The following GABRG3 variants were observed in gnomAD, a reference collection of about 807,000 sequenced individuals.
GABRG3 encodes the protein gamma-aminobutyric acid type A receptor subunit gamma3.
In GABRG3, 25 loss-of-function variants were observed where a neutral mutation model predicts 48.8. The ratio of observed to expected loss-of-function variants is 0.51; its 90% CI spans 0.37 to 0.72. GABRG3 has a LOEUF of 0.72. Ranked by LOEUF, GABRG3 falls within the 30% of genes least tolerant of loss-of-function variation. The probability of loss-of-function intolerance (pLI) is 0.00; values close to 1 mark genes in which losing one functional copy is unlikely to be tolerated. For synonymous variants in GABRG3, 227 were observed against 217.6 expected (o/e 1.04, Z -0.38); for missense variants, 394 against 577.9 (o/e 0.68, Z 3.26).
At chr15:27,139,040 CAGAG>C (rs1898058286) in intron 3 of GABRG3, among the ~76,000 whole-genome samples, 1 of 151,914 alleles carries the variant, frequency 6.6e-6, no homozygotes, top group African/African-American at 2.4e-5. Context: ...GACAGACAGA[CAGAG>C]AGGTATATGA....
At position 27,320,969 on chromosome 15, in the gene GABRG3, G is replaced by T. The variant is rs528126134; in HGVS notation, c.271-5840G>T. 4.1e-4 allele frequency among the ~76,000 whole-genome samples: 62 copies of T among 152,248 alleles called. 1 individual carries two copies. The South Asian group carries it at 7.7e-3, about 19-fold the overall frequency. On this transcript the variant is annotated intron_variant, in intron 3 of 9. Transcript: ENST00000615808. Reference sequence around the variant, plus strand: ...GCCACGTGCCCCTCTGTGGCAACAGGGCGTCACCCCCTGCTATGCTTCCCC... The same window carrying T: ...GCCACGTGCCCCTCTGTGGCAACAGTGCGTCACCCCCTGCTATGCTTCCCC...
intron 3 of GABRG3, among the ~76,000 whole-genome samples, chr15:27,237,764 G>A (rs995160106): frequency 1.3e-5 from 2 of 152,208 alleles, no homozygotes; most frequent in African/African-American, 2.4e-5. Context: ...GGCTGTGGGA[G>A]GCACCTCTTC....
intron 2 of GABRG3, among the ~76,000 whole-genome samples, chr15:27,003,453 G>GT (rs1177926802): frequency 6.6e-6 from 1 of 151,258 alleles, no homozygotes; most frequent in East Asian, 1.9e-4. Flanking sequence ...TCAAGCATCT[G>GT]TTTAACAAAG....
chr15:27,515,002 C>T (rs994399315), intron 6 of GABRG3, among the ~76,000 whole-genome samples: 2 of 152,152 alleles, frequency 1.3e-5, no homozygotes, highest in African/African-American at 4.8e-5. Flanking sequence ...TCAAGAATGA[C>T]ACAAATGGTA....
In GABRG3 at chr15:27,534,693, CAGAAG is replaced by C. The variant is rs1891509937; in HGVS notation, c.*1815_*1819del. 1 of 152,158 alleles carries C rather than the reference CAGAAG, an allele frequency of 6.6e-6. No homozygotes were observed. Among genetic ancestry groups the C allele is most frequent in the African/African-American group, 2.4e-5 (1 of 41,438 alleles). The allele number at this position is 152,158 out of a possible 1,614,324, so 9.4% of individuals were successfully genotyped here. ...CAATGTCCTGGATGTATACCAGACA[CAGAAG>C]AGGATGGGAGCAGAAGAGGCCAGAA... On this transcript the variant is annotated 3_prime_UTR_variant, in exon 10 of 10. Coordinates refer to ENST00000615808, the MANE Select transcript of GABRG3 (RefSeq NM_033223.5).
At chr15:27,221,509 A>G (rs533096997) in intron 3 of GABRG3, among the ~76,000 whole-genome samples, 135 of 152,316 alleles carry the variant, frequency 8.9e-4, no homozygotes, top group African/African-American at 3.1e-3. Context: ...GAAAATACAC[A>G]GAAAATTAGC....
chr15:27,385,407 G>A (rs1895891757), intron 5 of GABRG3, among the ~76,000 whole-genome samples: 1 of 151,440 alleles, frequency 6.6e-6, no homozygotes, highest in Non-Finnish European at 1.5e-5. Context: ...GTAGATGGAG[G>A]TTTGAATCAA....
At chr15:27,441,639 T>C (rs1888787542) in intron 5 of GABRG3, among the ~76,000 whole-genome samples, 2 of 152,148 alleles carry the variant, frequency 1.3e-5, no homozygotes, top group African/African-American at 4.8e-5. Flanking sequence ...TCTTGGGGTC[T>C]TCCAATCTAC....
chr15:27,028,922 C>A (rs1449201620), intron 3 of GABRG3, among the ~76,000 whole-genome samples: 2 of 151,282 alleles, frequency 1.3e-5, no homozygotes, highest in African/African-American at 4.9e-5. Context: ...AAATCATGAA[C>A]TCTGATCCTT....
intron 3 of GABRG3, among the ~76,000 whole-genome samples, chr15:27,264,321 A>G (rs776940028): frequency 1.2e-4 from 18 of 152,166 alleles, no homozygotes; most frequent in Non-Finnish European, 1.9e-4. Flanking sequence ...TAAAAACCCA[A>G]TTACCCTAAA....
chr15:27,392,175 T>C (rs1175777621), intron 5 of GABRG3, among the ~76,000 whole-genome samples: 1 of 152,224 alleles, frequency 6.6e-6, no homozygotes, highest in Non-Finnish European at 1.5e-5. Flanking sequence ...TCAAGATTCA[T>C]AACCCAGTAT....
rs988458821 is a variant in GABRG3 at position 27,536,285 on chromosome 15, T to A, written c.*3404T>A. 2 of 152,110 alleles carry A rather than the reference T, an allele frequency of 1.3e-5. No individual in the cohort carries two copies. The highest frequency in any genetic ancestry group is 4.8e-5 in the African/African-American group (2 of 41,386). The allele number at this position is 152,110 out of a possible 1,614,324, so 9.4% of individuals were successfully genotyped here. On this transcript the variant is annotated 3_prime_UTR_variant, in exon 10 of 10. Transcript: ENST00000615808. ...CAACACCACCTACCAGAACAGAGAC[T>A]CCCTACATACCAGACAGAGAAGGAC...
At chr15:27,137,375 A>G (rs208173) in intron 3 of GABRG3, among the ~76,000 whole-genome samples, 36,353 of 151,960 alleles carry the variant, frequency 0.24, 5,057 homozygotes, top group African/African-American at 0.37. Context: ...GCCTTTCTCT[A>G]TAAGAACAGA....
intron 3 of GABRG3, among the ~76,000 whole-genome samples, chr15:27,182,953 G>C (rs752942851): frequency 6.6e-6 from 1 of 152,178 alleles, no homozygotes; most frequent in East Asian, 1.9e-4. Flanking sequence ...AAGCCAAATA[G>C]AGCGAAAACA....
rs545792352 is a variant in GABRG3, at chr15:27,351,235, TTGTG to T, written c.574+22351_574+22354del. Among the ~76,000 whole-genome samples the T allele has an allele frequency of 3.7e-4, 53 of 141,388 alleles. No individual in the cohort carries two copies. In the East Asian group the frequency reaches 3.9e-3, roughly 10 times the overall value. 92.8% of individuals were successfully genotyped at this position (141,388 alleles called of 152,430 possible). ...GTTTGTGCGTGTATGGTGTGTGTGT[TTGTG>T]TGTATGGTGTTTGTGTGTATGGTGT... On this transcript the variant is annotated intron_variant, in intron 5 of 9. Transcript: ENST00000615808.
intron 3 of GABRG3, among the ~76,000 whole-genome samples, chr15:27,062,175 A>G (rs958511997): frequency 6.6e-6 from 1 of 152,108 alleles, no homozygotes; most frequent in Non-Finnish European, 1.5e-5. Context: ...TGGCTGTGCA[A>G]ACGGGGACTC....
intron 5 of GABRG3, among the ~76,000 whole-genome samples, chr15:27,356,193 C>T (rs1274244571): frequency 2.6e-5 from 4 of 152,048 alleles, no homozygotes; most frequent in Admixed American, 6.5e-5. Context: ...AATTACACTT[C>T]ACCTTTGATT....
chr15:27,303,975 AAAG>A (rs1413836974), intron 3 of GABRG3, among the ~76,000 whole-genome samples: 2 of 151,888 alleles, frequency 1.3e-5, no homozygotes, highest in African/African-American at 4.8e-5. Context: ...TTAATAACCT[AAAG>A]AAGGAAAGCT....
Position 27,533,118 on chromosome 15 carries a change from T to C in GABRG3, c.*237T>C. ...AGTTTTAAAGTAATATTCTTGCTAA[T>C]CCCTACTGAATTGTAGCTTGGTGTT... On this transcript the variant is annotated 3_prime_UTR_variant, in exon 10 of 10. Coordinates refer to ENST00000615808, the MANE Select transcript of GABRG3 (RefSeq NM_033223.5). 2.1e-6 allele frequency: 1 copy of C among 471,002 alleles called. No individual in the cohort carries two copies. Among genetic ancestry groups the C allele is most frequent in the Non-Finnish European group, 3.8e-6 (1 of 263,582 alleles). 29.2% of individuals were successfully genotyped at this position (471,002 alleles called of 1,614,324 possible). A position where few individuals can be genotyped will look rare whatever the true frequency, so the allele number is the denominator to read the frequency against.
Sources: gnomAD v4.1 joint callset for allele counts (sites outside exome capture counted in the v4.1 genomes callset) on GRCh38, gnomAD v4.1.1 for gene constraint, MANE v1.5 for transcripts, NCBI Gene and HGNC (gene_info 2026-07-23, HGNC 2026-07-21) for gene names.